Variants in NTRK2 observed in about 807,000 individuals in gnomAD.
NTRK2 encodes BDNF/NT-3 growth factors receptor.
Under a neutral mutation model 94.5 loss-of-function variants are expected in NTRK2, and 13 were observed. The observed-to-expected ratio is 0.14, with a 90% confidence interval of 0.09 to 0.22. The LOEUF is 0.22. Among genes scored for constraint, NTRK2 ranks in the 10% least tolerant of loss-of-function variants. The pLI is 1.00. For missense variants in NTRK2, 639 were observed against 1,071.2 expected (o/e 0.60, Z 5.63); for synonymous variants, 372 against 407.4 (o/e 0.91, Z 1.05).
At position 85,015,364 on chromosome 9, in the gene NTRK2, A is replaced by G. The variant is rs574450889; in HGVS notation, c.2173-4842A>G. 3.3e-5 allele frequency among the ~76,000 whole-genome samples: 5 copies of G among 152,256 alleles called. No homozygotes were observed. The South Asian group carries it at 1.0e-3, about 32-fold the overall frequency. ...TTGGCTGCATTTTGAGAAGTTATGA[A>G]TTTCTTATTTGTAGCATCAAACAGA... On this transcript the variant is annotated intron_variant, in intron 17 of 18. Transcript: ENST00000277120.
chr9:84,955,205 C>T (rs976566525), intron 16 of NTRK2, 78 bp from the exon 17 acceptor site: 63 of 1,208,244 alleles, frequency 5.2e-5, no homozygotes, highest in Middle Eastern at 4.8e-4. Flanking sequence ...GCAAGAGGGA[C>T]GGGGAGGGGC....
At chr9:84,836,806 C>G (rs1170332225) in intron 12 of NTRK2, among the ~76,000 whole-genome samples, 1 of 150,348 alleles carries the variant, frequency 6.7e-6, no homozygotes, top group African/African-American at 2.5e-5. Flanking sequence ...TAACTGGGAT[C>G]AGTAAAGTCT....
chr9:84,821,070 G>T (rs1490494162), intron 12 of NTRK2, among the ~76,000 whole-genome samples: 1 of 152,032 alleles, frequency 6.6e-6, no homozygotes, highest in East Asian at 1.9e-4. Context: ...TGGTGTAAAT[G>T]CATGAAGTAT....
chr9:84,877,591 T>C, intron 14 of NTRK2: 1 of 1,066,092 alleles, frequency 9.4e-7, no homozygotes, highest in Non-Finnish European at 1.1e-6. Context: ...TTCAGCCTGC[T>C]GCTGCTGCAC....
Position 84,902,050 on chromosome 9 carries a change from G to T in NTRK2, c.1634-32112G>T, listed in dbSNP as rs536355083. ...CTCTACTAAAAATACAAAAAAATTAGCCAGGCATGGTGGTGTGTGCCTGTA... is the reference window on the plus strand; with the variant it reads ...CTCTACTAAAAATACAAAAAAATTATCCAGGCATGGTGGTGTGTGCCTGTA... On this transcript the variant is annotated intron_variant, in intron 14 of 18. Transcript: ENST00000277120. Among the ~76,000 whole-genome samples the T allele has an allele frequency of 5.9e-5, 9 of 152,062 alleles. No homozygotes were observed. The East Asian group carries it at 1.7e-3, about 29-fold the overall frequency.
At chr9:84,882,832 C>T (rs756409140) in intron 14 of NTRK2, among the ~76,000 whole-genome samples, 7 of 152,182 alleles carry the variant, frequency 4.6e-5, no homozygotes, top group African/African-American at 7.2e-5. Context: ...TTCGCGATCT[C>T]GGCTCACTGA....
chr9:84,781,861 C>G (rs2067602670), intron 12 of NTRK2, among the ~76,000 whole-genome samples: 2 of 152,232 alleles, frequency 1.3e-5, no homozygotes, highest in South Asian at 4.1e-4. Context: ...GGCAATTTCT[C>G]TAGCGTCTTT....
intron 14 of NTRK2, chr9:84,875,359 A>G (rs2076023698): frequency 9.4e-7 from 1 of 1,060,690 alleles, no homozygotes; most frequent in Non-Finnish European, 1.1e-6. Flanking sequence ...CTCATATGGT[A>G]AGTATCACAG....
In NTRK2 at chr9:84,910,756, A is replaced by G. The variant is rs565269736; in HGVS notation, c.1634-23406A>G. 2.0e-5 allele frequency among the ~76,000 whole-genome samples: 3 copies of G among 152,298 alleles called. No homozygotes were observed. In the East Asian group the frequency reaches 5.8e-4, roughly 29 times the overall value. ...GATTTATATGTTCATTTCTCCACCA[A>G]TAGCACATAGTCTTAATTATTGTAG... On this transcript the variant is annotated intron_variant, in intron 14 of 18. Transcript: ENST00000277120.
chr9:84,764,689 T>C (rs1285865031), intron 12 of NTRK2, among the ~76,000 whole-genome samples: 1 of 152,220 alleles, frequency 6.6e-6, no homozygotes, highest in Non-Finnish European at 1.5e-5. Flanking sequence ...TACCATGTGA[T>C]CCAGCAATCC....
intron 12 of NTRK2, among the ~76,000 whole-genome samples, chr9:84,828,993 T>G (rs187151653): frequency 1.6e-4 from 24 of 151,824 alleles, no homozygotes; most frequent in African/African-American, 5.1e-4. Flanking sequence ...GTGTTTTTTT[T>G]TTGTTGTTTG....
At chr9:84,833,612 AAGAG>A (rs139696362) in intron 12 of NTRK2, among the ~76,000 whole-genome samples, 14 of 150,136 alleles carry the variant, frequency 9.3e-5, no homozygotes, top group East Asian at 6.0e-4. Flanking sequence ...AAAGAAAAGA[AAGAG>A]AGAGAGAAAG....
At chr9:84,692,226 A>G (rs969463439) in intron 2 of NTRK2, among the ~76,000 whole-genome samples, 1 of 151,960 alleles carries the variant, frequency 6.6e-6, no homozygotes, top group Non-Finnish European at 1.5e-5. Context: ...ACGTTGGAAG[A>G]AAAAAAATTG....
At chr9:84,775,260 C>T (rs966304338) in intron 12 of NTRK2, among the ~76,000 whole-genome samples, 28 of 152,360 alleles carry the variant, frequency 1.8e-4, no homozygotes, top group African/African-American at 6.5e-4. Context: ...ATTGAATCTG[C>T]TTTCCTTGGC....
chr9:84,709,002 A>C (rs2061273483), intron 5 of NTRK2, among the ~76,000 whole-genome samples: 2 of 152,230 alleles, frequency 1.3e-5, no homozygotes, highest in Non-Finnish European at 2.9e-5. Flanking sequence ...TTAGAGTTTC[A>C]ATTTCAAATT....
intron 14 of NTRK2, among the ~76,000 whole-genome samples, chr9:84,888,908 C>T (rs2132278349): frequency 1.3e-5 from 2 of 151,272 alleles, no homozygotes; most frequent in East Asian, 3.9e-4. Context: ...GTTTAAGTCT[C>T]TGGGAAGCCC....
intron 6 of NTRK2, among the ~76,000 whole-genome samples, chr9:84,715,428 T>G (rs1421522550): frequency 6.6e-6 from 1 of 152,192 alleles, no homozygotes; most frequent in African/African-American, 2.4e-5. Flanking sequence ...TCATTAATAG[T>G]GCAGTCAAAA....
At chr9:84,801,204 C>T (rs537413272) in intron 12 of NTRK2, among the ~76,000 whole-genome samples, 1 of 152,156 alleles carries the variant, frequency 6.6e-6, no homozygotes, top group African/African-American at 2.4e-5. Flanking sequence ...GAGAGGTCCC[C>T]TCACTTGGCC....
At chr9:84,700,920 GTCCATCCATCCA>G (rs573326112) in intron 2 of NTRK2, among the ~76,000 whole-genome samples, 2 of 151,912 alleles carry the variant, frequency 1.3e-5, no homozygotes, top group Non-Finnish European at 2.9e-5. Flanking sequence ...CCATCCATCC[GTCCATCCATCCA>G]TCCATCCATC....
Sources: gnomAD v4.1 joint callset for allele counts (sites outside exome capture counted in the v4.1 genomes callset) on GRCh38, gnomAD v4.1.1 for gene constraint, MANE v1.5 for transcripts, NCBI Gene and HGNC (gene_info 2026-07-23, HGNC 2026-07-21) for gene names.